Variants in MIS18BP1 observed in about 807,000 individuals in gnomAD.
The protein encoded by MIS18BP1 is MIS18 binding protein 1.
A neutral mutation model predicts 116.1 loss-of-function variants in MIS18BP1; 72 were observed. The ratio of observed to expected loss-of-function variants is 0.62; its 90% CI spans 0.51 to 0.75. MIS18BP1 has a LOEUF of 0.75. Among genes scored for constraint, MIS18BP1 ranks in the 30% least tolerant of loss-of-function variants. The pLI, the probability that MIS18BP1 is intolerant of heterozygous loss-of-function variation, is 0.00. For synonymous variants in MIS18BP1, 386 were observed against 427.0 expected, an observed-to-expected ratio of 0.90 and a Z score of 1.18; for missense variants, 1,363 against 1,303.2, an observed-to-expected ratio of 1.05 and a Z score of -0.71.
chr14:45,232,582 GCCAGGAGTT>G, intron 7 of MIS18BP1, 142 bp downstream of exon 7: 1 of 612,972 alleles, frequency 1.6e-6, no homozygotes, highest in Non-Finnish European at 3.0e-6. Context: ...ATCACTTGTA[GCCAGGAGTT>G]CGAGACCAGT....
rs1295526225 is a variant in MIS18BP1, at chr14:45,203,581, G to A, written c.*528C>T. 1.3e-5 allele frequency: 2 copies of A among 152,092 alleles called. No homozygotes were observed. Among genetic ancestry groups the A allele is most frequent in the East Asian group, 3.9e-4 (2 of 5,192 alleles). The allele number at this position is 152,092 out of a possible 1,614,324, so 9.4% of individuals were successfully genotyped here. A position where few individuals can be genotyped will look rare whatever the true frequency, so the allele number is the denominator to read the frequency against. ...TAAAATAAAAACAATCAGGAGAGAA[G>A]CATGTCAACAATGTGTAATTTAATT... On this transcript the variant is annotated 3_prime_UTR_variant, in exon 17 of 17. Coordinates refer to ENST00000310806, the MANE Select transcript of MIS18BP1 (RefSeq NM_018353.5).
chr14:45,234,142 T>C (rs1441421112), intron 6 of MIS18BP1, among the ~76,000 whole-genome samples: 1 of 151,940 alleles, frequency 6.6e-6, no homozygotes, highest in African/African-American at 2.4e-5. Context: ...TCAAAGTGTA[T>C]ACTGAATGTA....
chr14:45,231,262 T>C lies in MIS18BP1; in HGVS notation c.1473A>G (p.Lys491=). ...CACGGACAGATCTTCCAGTTTTCTG[T>C]TTTTGTTTGGTCTTTTCCCTGTTCT... ...GEKNREKTKQ[K]QKTGRSVRDI... The change falls in exon 8 of 17, where the codon AAA becomes AAG. Residue 491 remains lysine, a synonymous_variant. Coordinates refer to ENST00000310806, the MANE Select transcript of MIS18BP1 (RefSeq NM_018353.5). The C allele has an allele frequency of 6.2e-7, 1 of 1,612,718 alleles. No individual in the cohort carries two copies. The highest frequency in any genetic ancestry group is 8.5e-7 in the Non-Finnish European group (1 of 1,179,162).
Position 45,231,296 on chromosome 14 carries a change from G to C in MIS18BP1, c.1439C>G (p.Ala480Gly). 6.3e-7 allele frequency: 1 copy of C among 1,575,144 alleles called. No homozygotes were observed. ...GGTCTTTTCCCTGTTCTTTTCACCAGCCCTTTAAAAACAATTATTTTATTT... is the reference window on the plus strand; with the variant it reads ...GGTCTTTTCCCTGTTCTTTTCACCACCCCTTTAAAAACAATTATTTTATTT... ...HIDNFLEQLRAGEKNREKTKQ... is the reference protein window; with the variant it reads ...HIDNFLEQLRGGEKNREKTKQ... Residue 480 changes from alanine (A) to glycine (G), a missense_variant and splice_region_variant, in exon 8 of 17, where the codon GCT becomes GGT. By Grantham distance (60) the Ala-to-Gly change is moderately conservative. Transcript: ENST00000310806.
intron 8 of MIS18BP1, among the ~76,000 whole-genome samples, chr14:45,228,158 G>C (rs1176100751): frequency 1.3e-5 from 2 of 152,294 alleles, no homozygotes; most frequent in East Asian, 3.9e-4. Flanking sequence ...GCAACACCCT[G>C]TCTCAGAAAT....
At chr14:45,209,871 T>C (rs1280398601) in intron 14 of MIS18BP1, among the ~76,000 whole-genome samples, 1 of 152,226 alleles carries the variant, frequency 6.6e-6, no homozygotes, top group Non-Finnish European at 1.5e-5. Context: ...CATTCCTTGT[T>C]AGTTTGTAGG....
chr14:45,232,541 T>C (rs973437913), intron 7 of MIS18BP1, 192 bp downstream of exon 7: 14 of 539,574 alleles, frequency 2.6e-5, no homozygotes, highest in Non-Finnish European at 4.1e-5. Context: ...ATGCCTGTAA[T>C]CCCAACACTT....
At chr14:45,212,090 A>C (rs1594500268) in intron 13 of MIS18BP1, among the ~76,000 whole-genome samples, 1 of 152,182 alleles carries the variant, frequency 6.6e-6, no homozygotes, top group East Asian at 1.9e-4. Context: ...CTTTGCTCAC[A>C]TTGGACTGTC....
At chr14:45,252,443 A>C (rs1271640232) in intron 1 of MIS18BP1, among the ~76,000 whole-genome samples, 1 of 152,222 alleles carries the variant, frequency 6.6e-6, no homozygotes, top group East Asian at 1.9e-4. Flanking sequence ...CATAGAGAAA[A>C]ACTCTGGAAG....
intron 4 of MIS18BP1, among the ~76,000 whole-genome samples, chr14:45,240,348 CT>C (rs1891541599): frequency 6.6e-6 from 1 of 152,122 alleles, no homozygotes; most frequent in South Asian, 2.1e-4. Context: ...CGTAACACTT[CT>C]TTAGAAAGAC....
At chr14:45,213,586 C>T (rs1408416720) in intron 13 of MIS18BP1, among the ~76,000 whole-genome samples, 1 of 152,186 alleles carries the variant, frequency 6.6e-6, no homozygotes, top group Non-Finnish European at 1.5e-5. Flanking sequence ...CTACTCAACT[C>T]TGCACCGTAG....
At chr14:45,231,053 A>G in intron 8 of MIS18BP1, 88 bp downstream of exon 8, 1 of 1,362,826 alleles carries the variant, frequency 7.3e-7, no homozygotes, top group Admixed American at 2.2e-5. Flanking sequence ...TATACACATT[A>G]CTACTATACA....
intron 4 of MIS18BP1, among the ~76,000 whole-genome samples, chr14:45,239,627 G>A (rs1891522669): frequency 6.6e-6 from 1 of 152,156 alleles, no homozygotes; most frequent in Non-Finnish European, 1.5e-5. Context: ...AAGTTACTGG[G>A]GATTCTGAAC....
At chr14:45,222,799 T>C (rs191340855) in intron 11 of MIS18BP1, among the ~76,000 whole-genome samples, 101 of 152,332 alleles carry the variant, frequency 6.6e-4, no homozygotes, top group Admixed American at 2.4e-3. Context: ...GGAGTTTCCC[T>C]TGTCAGTGCT....
chr14:45,224,843 ATTT>A, intron 10 of MIS18BP1, 97 bp from the exon 11 acceptor site: 1 of 950,720 alleles, frequency 1.1e-6, no homozygotes, highest in Non-Finnish European at 1.5e-6. Context: ...AAAAGATACT[ATTT>A]TTATCCACGA....
At chr14:45,233,514 A>G (rs1315463040) in intron 6 of MIS18BP1, among the ~76,000 whole-genome samples, 3 of 152,202 alleles carry the variant, frequency 2.0e-5, no homozygotes, top group Admixed American at 2.0e-4. Flanking sequence ...TTTTGAGAAG[A>G]ACCTGTGGAA....
rs757334309 is a variant in MIS18BP1, at chr14:45,246,819, T to C, written c.468A>G (p.Lys156=). ...ETFTPNRVEK[K]KLQHTYLCEE... ...CACATAGGTAGGTATGCTGCAATTT[T>C]TTTTTTTCAACTCTGTTAGGAGTGA... Residue 156 remains lysine, a synonymous_variant, in exon 2 of 17, where the codon AAA becomes AAG. Transcript: ENST00000310806. 4 of 1,594,316 alleles carry C rather than the reference T, an allele frequency of 2.5e-6. No homozygotes were observed. The highest frequency in any genetic ancestry group is 2.2e-5 in the East Asian group (1 of 44,774).
chr14:45,238,426 T>C (rs538400504), intron 4 of MIS18BP1, among the ~76,000 whole-genome samples: 54 of 152,344 alleles, frequency 3.5e-4, no homozygotes, highest in African/African-American at 1.3e-3. Flanking sequence ...AAGTTACACA[T>C]TTACAAATAA....
chr14:45,242,360 C>T lies in MIS18BP1; in HGVS notation c.817G>A (p.Val273Ile), dbSNP rs754893724. 1.2e-5 allele frequency: 20 copies of T among 1,613,870 alleles called. No homozygotes were observed. Among genetic ancestry groups the T allele is most frequent in the African/African-American group, 9.3e-5 (7 of 74,910 alleles). ...SKKDTFVLES[V>I]DSADEQFQNT... ...TGAAATTGTTCATCAGCAGAATCAACGCTTTCTAAAACAAACGTGTCCTTT... is the reference window on the plus strand; with the variant it reads ...TGAAATTGTTCATCAGCAGAATCAATGCTTTCTAAAACAAACGTGTCCTTT... Residue 273 changes from valine to isoleucine, a missense_variant, in exon 4 of 17, where the codon GTT (valine) becomes ATT (isoleucine). Physicochemically the swap from Val to Ile is conservative, Grantham distance 29 (BLOSUM62 3). Transcript: ENST00000310806.
Sources: gnomAD v4.1 joint callset for allele counts (sites outside exome capture counted in the v4.1 genomes callset) on GRCh38, gnomAD v4.1.1 for gene constraint, MANE v1.5 for transcripts, NCBI Gene and HGNC (gene_info 2026-07-23, HGNC 2026-07-21) for gene names.